Variants in PTPRJ observed in about 807,000 individuals in gnomAD.
The protein encoded by PTPRJ is receptor-type tyrosine-protein phosphatase eta.
PTPRJ carries 129 observed loss-of-function variants against 141.3 expected under a neutral mutation model. The observed-to-expected ratio is 0.91, with a 90% CI of 0.79 to 1.06. The LOEUF (loss-of-function observed/expected upper bound fraction) is 1.06, where lower values mean the gene tolerates loss of function less well. Ranked by LOEUF, PTPRJ falls within the 50% of genes least tolerant of loss-of-function variation. PTPRJ has a pLI of 0.00. For missense variants in PTPRJ, 1,601 were observed against 1,679.7 expected (o/e 0.95, Z 0.82); for synonymous variants, 610 against 640.5 (o/e 0.95, Z 0.72).
rs373961047 is a variant in PTPRJ, at chr11:48,007,015, C to T, written c.96+26007C>T. 3.7e-4 allele frequency among the ~76,000 whole-genome samples: 57 copies of T among 152,194 alleles called. No homozygotes were observed. The South Asian group carries it at 0.011, about 30-fold the overall frequency. On this transcript the variant is annotated intron_variant, in intron 1 of 24. Transcript: ENST00000418331. ...TGAAATCAGAATTCTACCCATACTC[C>T]CAAATTAGAGAGCAGTCTGATGTGT...
chr11:48,106,969 A>G (rs371849369), intron 1 of PTPRJ, among the ~76,000 whole-genome samples: 2 of 151,624 alleles, frequency 1.3e-5, no homozygotes, highest in East Asian at 1.9e-4. Context: ...GGGTTTCACC[A>G]TGTTGGCCAG....
At chr11:48,057,668 G>A (rs1373979011) in intron 1 of PTPRJ, among the ~76,000 whole-genome samples, 1 of 152,122 alleles carries the variant, frequency 6.6e-6, no homozygotes, top group African/African-American at 2.4e-5. Context: ...GGAGAACTGT[G>A]TGGAGGGGCA....
chr11:48,049,298 C>A (rs1854489867), intron 1 of PTPRJ, among the ~76,000 whole-genome samples: 1 of 151,856 alleles, frequency 6.6e-6, no homozygotes, highest in South Asian at 2.1e-4. Context: ...AAAATCTTGC[C>A]TAATTGAGAA....
intron 1 of PTPRJ, among the ~76,000 whole-genome samples, chr11:48,097,029 C>T (rs1856023078): frequency 1.3e-5 from 2 of 152,156 alleles, no homozygotes; most frequent in Admixed American, 1.3e-4. Context: ...TCCTTCAGCC[C>T]ACCCTCCTGT....
At chr11:48,025,190 C>T (rs1029437803) in intron 1 of PTPRJ, among the ~76,000 whole-genome samples, 5 of 152,126 alleles carry the variant, frequency 3.3e-5, no homozygotes, top group South Asian at 2.1e-4. Context: ...AGAGGCCTTT[C>T]GGGCAGCCTG....
chr11:47,998,852 T>A (rs1854412161), intron 1 of PTPRJ, among the ~76,000 whole-genome samples: 1 of 151,962 alleles, frequency 6.6e-6, no homozygotes, highest in South Asian at 2.1e-4. Flanking sequence ...ATGTAGGAGG[T>A]GCAGCTGCCA....
rs927652560 is a variant in PTPRJ at position 47,980,697 on chromosome 11, G to A, written c.-216G>A. The A allele has an allele frequency of 6.1e-5, 61 of 992,730 alleles. No homozygotes were observed. The highest frequency in any genetic ancestry group is 6.9e-5 in the Non-Finnish European group (58 of 836,246). 61.5% of individuals were successfully genotyped at this position (992,730 alleles called of 1,614,324 possible). A position where few individuals can be genotyped will look rare whatever the true frequency, so the allele number is the denominator to read the frequency against. On this transcript the variant is annotated 5_prime_UTR_variant, in exon 1 of 25. Coordinates refer to ENST00000418331, the MANE Select transcript of PTPRJ (RefSeq NM_002843.4). ...GCGCTCAGGGACGCGGCCCCCCCGC[G>A]GCAGCCGCGCTAGGCTCCGGCGTGT... is the stretch of plus-strand genomic sequence containing the variant.
At chr11:48,028,214 TG>T (rs1330467124) in intron 1 of PTPRJ, among the ~76,000 whole-genome samples, 1 of 152,160 alleles carries the variant, frequency 6.6e-6, no homozygotes, top group Non-Finnish European at 1.5e-5. Flanking sequence ...TCTCTGACAG[TG>T]GAGATATAGG....
intron 21 of PTPRJ, among the ~76,000 whole-genome samples, chr11:48,156,430 C>G (rs774303977): frequency 8.5e-5 from 13 of 152,210 alleles, no homozygotes; most frequent in African/African-American, 3.1e-4. Context: ...CGGTGTGGCT[C>G]TGTTCTTCAT....
At chr11:48,082,008 T>C (rs1301176363) in intron 1 of PTPRJ, among the ~76,000 whole-genome samples, 1 of 152,158 alleles carries the variant, frequency 6.6e-6, no homozygotes, top group African/African-American at 2.4e-5. Context: ...TCTTTCTTCT[T>C]CCTCTCTGTA....
chr11:48,106,177 G>GGT (rs1856283300), intron 1 of PTPRJ, among the ~76,000 whole-genome samples: 1 of 152,170 alleles, frequency 6.6e-6, no homozygotes, highest in African/African-American at 2.4e-5. Context: ...TGTCACCACT[G>GGT]GTGTTCACAA....
chr11:48,097,792 C>T (rs1856050507), intron 1 of PTPRJ, among the ~76,000 whole-genome samples: 1 of 152,132 alleles, frequency 6.6e-6, no homozygotes, highest in African/African-American at 2.4e-5. Flanking sequence ...CCAGCCTCAG[C>T]CCCCCAAAGT....
chr11:48,153,924 A>G, intron 19 of PTPRJ, 38 bp downstream of exon 19: 1 of 1,364,844 alleles, frequency 7.3e-7, no homozygotes, highest in Non-Finnish European at 1.0e-6. Context: ...TCTGTGTTCC[A>G]TCAGTGGCCA....
rs778962407 is a variant in PTPRJ at position 48,127,880 on chromosome 11, C to T, written c.1194C>T (p.Thr398=). The T allele has an allele frequency of 6.2e-7, 1 of 1,614,102 alleles. No homozygotes were observed. Residue 398 remains threonine (T), a synonymous_variant, in exon 7 of 25, where the codon ACC becomes ACT. Coordinates refer to ENST00000418331, the MANE Select transcript of PTPRJ (RefSeq NM_002843.4). The part of the protein sequence containing the change: ...VSDNESSSNY[T]YKIHVAGETD... Reference sequence around the variant, plus strand: ...ATAACGAGTCGTCATCTAACTATACCTACAAGATACATGTGGCGGGGGAGA... The same window carrying T: ...ATAACGAGTCGTCATCTAACTATACTTACAAGATACATGTGGCGGGGGAGA...
chr11:48,117,378 T>TA (rs1375854180), intron 3 of PTPRJ, among the ~76,000 whole-genome samples: 1 of 150,970 alleles, frequency 6.6e-6, no homozygotes, highest in Non-Finnish European at 1.5e-5. Flanking sequence ...CCGTCTCTAC[T>TA]AAAAATACAA....
chr11:48,074,758 G>A (rs1855355682), intron 1 of PTPRJ, among the ~76,000 whole-genome samples: 1 of 152,134 alleles, frequency 6.6e-6, no homozygotes, highest in Non-Finnish European at 1.5e-5. Context: ...CATGTTGAAC[G>A]TTGTCTAAAG....
rs150772081 is a variant in PTPRJ at position 48,003,676 on chromosome 11, A to C, written c.96+22668A>C. On this transcript the variant is annotated intron_variant, in intron 1 of 24. Transcript: ENST00000418331. ...ATGCCCAGCTAATTTTTGTATTTGT[A>C]GTAAAGATGGGGTTTCATCATGATG... Among the ~76,000 whole-genome samples the C allele has an allele frequency of 1.1e-4, 16 of 152,278 alleles. No homozygotes were observed. The East Asian group carries it at 3.1e-3, about 29-fold the overall frequency.
intron 1 of PTPRJ, among the ~76,000 whole-genome samples, chr11:48,084,104 C>T (rs937718128): frequency 1.3e-5 from 2 of 152,106 alleles, no homozygotes; most frequent in African/African-American, 2.4e-5. Flanking sequence ...GGAGATGCTG[C>T]GTTGGTGTAA....
intron 1 of PTPRJ, among the ~76,000 whole-genome samples, chr11:47,995,005 C>T (rs1854296844): frequency 6.6e-6 from 1 of 152,130 alleles, no homozygotes; most frequent in African/African-American, 2.4e-5. Flanking sequence ...GCAAACGTTT[C>T]CCCCTGCCAG....
Sources: gnomAD v4.1 joint callset for allele counts (sites outside exome capture counted in the v4.1 genomes callset) on GRCh38, gnomAD v4.1.1 for gene constraint, MANE v1.5 for transcripts, NCBI Gene and HGNC (gene_info 2026-07-23, HGNC 2026-07-21) for gene names.